The following SEPTIN9 variants were observed in gnomAD, a reference collection of about 807,000 sequenced individuals.
SEPTIN9 encodes septin 9, also known as septin-9.
Under a neutral mutation model 56.6 loss-of-function variants are expected in SEPTIN9, and 13 were observed. The ratio of observed to expected loss-of-function variants is 0.23; its 90% CI spans 0.15 to 0.37. The LOEUF (loss-of-function observed/expected upper bound fraction) is 0.37. Ranked by LOEUF, SEPTIN9 falls within the 10% of genes least tolerant of loss-of-function variation. SEPTIN9 has a pLI of 1.00. For synonymous variants in SEPTIN9, 332 were observed against 334.1 expected (o/e 0.99, Z 0.07); for missense variants, 650 against 823.1 (o/e 0.79, Z 2.57).
At chr17:77,373,290 C>A (rs1419122573) in intron 2 of SEPTIN9, 1 of 837,516 alleles carries the variant, frequency 1.2e-6, no homozygotes, top group Admixed American at 5.1e-5. Flanking sequence ...GGGGGCGGGG[C>A]GGGGGCGCAG....
intron 2 of SEPTIN9, among the ~76,000 whole-genome samples, chr17:77,320,773 T>G (rs192189881): frequency 7.2e-5 from 11 of 152,356 alleles, no homozygotes; most frequent in Non-Finnish European, 1.6e-4. Flanking sequence ...AAGTCTGTCT[T>G]CAAGGCTGCC....
At chr17:77,466,548 T>C in intron 3 of SEPTIN9, 3 of 985,430 alleles carry the variant, frequency 3.0e-6, no homozygotes, top group Non-Finnish European at 3.6e-6. Flanking sequence ...GAGGTCACCG[T>C]TGGAGTCCCA....
Position 77,405,230 on chromosome 17 carries a change from G to C in SEPTIN9, c.721+2527G>C, listed in dbSNP as rs1598321435. ...CTAAATTGTGCCAGAGACTGTGCCG[G>C]GAGCCAGGCCCAGGGACACAACCTG... On this transcript the variant is annotated intron_variant, in intron 3 of 11. Transcript: ENST00000427177. The surrounding 1 kb of genome is among the most constrained non-coding windows in gnomAD (Gnocchi z 5.8). 8.7e-7 allele frequency: 1 copy of C among 1,154,264 alleles called. No homozygotes were observed. Among genetic ancestry groups the C allele is most frequent in the Non-Finnish European group, 1.2e-6 (1 of 819,054 alleles). 71.5% of individuals were successfully genotyped at this position (1,154,264 alleles called of 1,614,324 possible).
At chr17:77,409,848 C>A (rs2036231040) in intron 3 of SEPTIN9, among the ~76,000 whole-genome samples, 1 of 152,204 alleles carries the variant, frequency 6.6e-6, no homozygotes, top group Non-Finnish European at 1.5e-5. Flanking sequence ...GAGGAGCGCA[C>A]TCAGACTCCC....
At position 77,310,958 on chromosome 17, in the gene SEPTIN9, C is replaced by T. The variant is rs542709980; in HGVS notation, c.76+3761C>T. Among the ~76,000 whole-genome samples, 1 of 152,230 alleles carries T rather than the reference C, an allele frequency of 6.6e-6. No homozygotes were observed. Among genetic ancestry groups the T allele is most frequent in the East Asian group, 1.9e-4 (1 of 5,180 alleles). On this transcript the variant is annotated intron_variant, in intron 2 of 11. Coordinates refer to ENST00000427177, the MANE Select transcript of SEPTIN9 (RefSeq NM_001113491.2). This position sits in a 1 kb window ranked among gnomAD's most constrained non-coding sequence, Gnocchi z 4.7. ...TCATCCCTTCTGTCCTAGGTTGAAC[C>T]GTGTCCCCCACAAACTCATGTCCAC...
intron 3 of SEPTIN9, among the ~76,000 whole-genome samples, chr17:77,427,444 G>A (rs2036955102): frequency 6.6e-6 from 1 of 152,162 alleles, no homozygotes; most frequent in African/African-American, 2.4e-5. Context: ...GCTAGACTGG[G>A]TTTTCCCTTC....
intron 3 of SEPTIN9, among the ~76,000 whole-genome samples, chr17:77,403,125 T>G (rs531672313): frequency 1.1e-4 from 17 of 152,156 alleles, no homozygotes; most frequent in African/African-American, 4.1e-4. Flanking sequence ...GCTGTCACAT[T>G]CTGGTGGCTC....
Position 77,449,202 on chromosome 17 carries a change from A to T in SEPTIN9, c.722-32942A>T, listed in dbSNP as rs1302074833. Among the ~76,000 whole-genome samples the T allele has an allele frequency of 2.0e-5, 3 of 152,224 alleles. No individual in the cohort carries two copies. In the East Asian group the frequency reaches 5.8e-4, roughly 29 times the overall value. ...GCCGAGAAGGCTCTGGGGCTGCTCT[A>T]CCTGAATGCTGAGTGTGTGCTGAGC... is the stretch of plus-strand genomic sequence containing the variant. On this transcript the variant is annotated intron_variant, in intron 3 of 11. Transcript: ENST00000427177. This position sits in a 1 kb window ranked among gnomAD's most constrained non-coding sequence, Gnocchi z 4.6.
At chr17:77,391,429 T>C (rs374642) in intron 2 of SEPTIN9, among the ~76,000 whole-genome samples, 54,147 of 152,034 alleles carry the variant, frequency 0.36, 12,669 homozygotes, top group African/African-American at 0.65. Flanking sequence ...CTCTGGCCCC[T>C]GTCTCCACGT....
At position 77,357,703 on chromosome 17, in the gene SEPTIN9, C is replaced by T. The variant is rs374714327; in HGVS notation, c.77-44356C>T. ...AGTCATAGCACACTGCAGCCTCCAA[C>T]TCCCGAGCTCAAGCAATCCTCCTGC... On this transcript the variant is annotated intron_variant, in intron 2 of 11. Transcript: ENST00000427177. Among the ~76,000 whole-genome samples the T allele has an allele frequency of 1.2e-3, 190 of 152,280 alleles. 2 individuals are homozygous for T. Among genetic ancestry groups the T allele is most frequent in the African/African-American group, 4.2e-3 (176 of 41,534 alleles).
rs2032826153 is a variant in SEPTIN9 at position 77,319,517 on chromosome 17, CCT to C, written c.76+12323_76+12324del. On this transcript the variant is annotated intron_variant, in intron 2 of 11. Coordinates refer to ENST00000427177, the MANE Select transcript of SEPTIN9 (RefSeq NM_001113491.2). The surrounding 1 kb of genome is among the most constrained non-coding windows in gnomAD (Gnocchi z 5.3). ...TCTGCCTGGGCGGGGACGGCAACTG[CCT>C]CTGTCACTGCAGACTAATGGGACGG... 2 of 1,043,528 alleles carry C rather than the reference CCT, an allele frequency of 1.9e-6. No individual in the cohort carries two copies. Among genetic ancestry groups the C allele is most frequent in the East Asian group, 5.6e-5 (1 of 17,810 alleles). The allele number at this position is 1,043,528 out of a possible 1,614,324, so 64.6% of individuals were successfully genotyped here.
intron 2 of SEPTIN9, chr17:77,374,187 G>GA (rs2034830346): frequency 1.3e-5 from 2 of 152,626 alleles, no homozygotes; most frequent in Non-Finnish European, 2.9e-5. Flanking sequence ...ATCCAGGCCT[G>GA]GGGATATCCT....
rs1449326904 is a variant in SEPTIN9 at position 77,498,630 on chromosome 17, A to G, written c.1733A>G (p.Glu578Gly). The stretch of plus-strand genomic sequence containing the variant: ...AGCGCCATGGCCAACGGCATGGAGG[A>G]GAAGGAGCCAGAAGCCCCGGAGATG... ...GSSAMANGME[E>G]KEPEAPEM Residue 578 changes from glutamate (E) to glycine (G), a missense_variant, in exon 12 of 12, where the codon GAG becomes GGG. Around this residue, in one of 2 missense-constraint regions of SEPTIN9, gnomAD observed 333 missense variants for 494.0 expected, o/e 0.67. Coordinates refer to ENST00000427177, the MANE Select transcript of SEPTIN9 (RefSeq NM_001113491.2). The G allele has an allele frequency of 5.0e-6, 8 of 1,609,492 alleles. No homozygotes were observed. The highest frequency in any genetic ancestry group is 6.8e-6 in the Non-Finnish European group (8 of 1,178,518).
At chr17:77,482,787 T>G in intron 4 of SEPTIN9, 1 of 553,266 alleles carries the variant, frequency 1.8e-6, no homozygotes, top group Non-Finnish European at 3.2e-6. Context: ...GCCTCGTGGC[T>G]TCCACACCCC....
rs1567995467 is a variant in SEPTIN9 at position 77,327,234 on chromosome 17, C to T, written c.76+20037C>T. On this transcript the variant is annotated intron_variant, in intron 2 of 11. Coordinates refer to ENST00000427177, the MANE Select transcript of SEPTIN9 (RefSeq NM_001113491.2). The surrounding 1 kb of genome is among the most constrained non-coding windows in gnomAD (Gnocchi z 5.0). ...CCTGTAGTGGTCTCGCTGGCTGCTG[C>T]CCTCAGGTTAGTTTATTTTTACCCG... is the stretch of plus-strand genomic sequence containing the variant. Among the ~76,000 whole-genome samples, 1 of 151,716 alleles carries T rather than the reference C, an allele frequency of 6.6e-6. No individual in the cohort carries two copies. The highest frequency in any genetic ancestry group is 1.5e-5 in the Non-Finnish European group (1 of 68,016).
At chr17:77,316,792 G>T (rs533951191) in intron 2 of SEPTIN9, among the ~76,000 whole-genome samples, 4 of 151,118 alleles carry the variant, frequency 2.6e-5, no homozygotes, top group Non-Finnish European at 4.4e-5. Context: ...CAGCAGCCTC[G>T]AACTCCTGGC....
At chr17:77,373,388 G>A in intron 2 of SEPTIN9, 2 of 1,244,132 alleles carry the variant, frequency 1.6e-6, no homozygotes, top group Non-Finnish European at 2.0e-6. Context: ...GGCTAGCTCT[G>A]CACTGCAGGA....
chr17:77,368,959 C>T (rs769577621), intron 2 of SEPTIN9, among the ~76,000 whole-genome samples: 29 of 152,236 alleles, frequency 1.9e-4, no homozygotes, highest in South Asian at 8.3e-4. Context: ...TGAAATTGGC[C>T]GGCTGGGCAC....
intron 10 of SEPTIN9, among the ~76,000 whole-genome samples, chr17:77,495,115 T>C (rs2143446080): frequency 6.6e-6 from 1 of 152,294 alleles, no homozygotes; most frequent in African/African-American, 2.4e-5. Context: ...GTGCCTCTGC[T>C]GCACCCTGGT....
Sources: allele counts gnomAD v4.1 joint callset (sites outside exome capture counted in the v4.1 genomes callset), GRCh38; gene constraint gnomAD v4.1.1; regional missense constraint gnomAD v4.1.1; non-coding constraint Gnocchi (gnomAD v3.1); transcripts MANE v1.5; gene names NCBI Gene and HGNC (gene_info 2026-07-23, HGNC 2026-07-21).